Variants in P4HA3 observed in about 807,000 individuals in gnomAD.
The protein encoded by P4HA3 is prolyl 4-hydroxylase subunit alpha-3.
In P4HA3, 60 loss-of-function variants were observed where a neutral mutation model predicts 66.7. The ratio of observed to expected loss-of-function variants is 0.90; its 90% confidence interval spans 0.73 to 1.12. The LOEUF is 1.12. Among genes scored for constraint, P4HA3 ranks in the 50% most tolerant of loss-of-function variants. The pLI, the probability that P4HA3 is intolerant of heterozygous loss-of-function variation, is 0.00. For missense variants in P4HA3, 683 were observed against 685.8 expected, an observed-to-expected ratio of 1.00 and a Z score of 0.05; for synonymous variants, 263 against 274.6, an observed-to-expected ratio of 0.96 and a Z score of 0.42.
At chr11:74,266,576 C>A, downstream of P4HA3, 1 of 163,820 alleles carries the variant, frequency 6.1e-6, no homozygotes, top group Non-Finnish European at 1.3e-5. Flanking sequence ...ATGGGGAACA[C>A]ATGGATGTGG....
intron 1 of P4HA3, 55 bp downstream of exon 1, chr11:74,311,357 G>A (rs1861737378): frequency 8.5e-6 from 12 of 1,417,602 alleles, no homozygotes; most frequent in Non-Finnish European, 9.2e-6. Context: ...CCCACCCTGC[G>A]GCACAGTGTA....
At chr11:74,273,792 T>A (rs199756078) in intron 9 of P4HA3, among the ~76,000 whole-genome samples, 185 bp from the exon 10 acceptor site, 2 of 143,846 alleles carry the variant, frequency 1.4e-5, no homozygotes, top group African/African-American at 2.6e-5. Context: ...TTTTTTTTTT[T>A]ACTAATTTAT....
chr11:74,256,076 G>A (rs537362050), intron 15 of P4HA3: 8 of 416,134 alleles, frequency 1.9e-5, no homozygotes, highest in South Asian at 1.2e-4. Context: ...AATCTTCACA[G>A]CAACTCTATG....
chr11:74,289,135 TAAAAA>T lies in P4HA3; in HGVS notation c.718-10_718-6del. Reference sequence around the variant, plus strand: ...GGCACACGAAACATTTCCTGCCTGTTAAAAAAAAAAAAAAGAAAAGAAAGCATTAA... The same window carrying T: ...GGCACACGAAACATTTCCTGCCTGTTAAAAAAAAAGAAAAGAAAGCATTAA... On this transcript the variant is annotated splice_polypyrimidine_tract_variant and splice_region_variant and intron_variant, in intron 4 of 12. Coordinates refer to ENST00000331597, the MANE Select transcript of P4HA3 (RefSeq NM_182904.5). 2.9e-6 allele frequency: 4 copies of T among 1,377,720 alleles called. No homozygotes were observed. Among genetic ancestry groups the T allele is most frequent in the Middle Eastern group, 2.0e-4 (1 of 5,092 alleles). 85.3% of individuals were successfully genotyped at this position (1,377,720 alleles called of 1,614,324 possible).
intron 3 of P4HA3, among the ~76,000 whole-genome samples, chr11:74,301,854 G>T (rs531159530): frequency 9.9e-5 from 15 of 152,094 alleles, no homozygotes; most frequent in Non-Finnish European, 2.1e-4. Context: ...AAATGCTTAG[G>T]AAATGTTGCA....
At chr11:74,290,883 C>T (rs1860997125) in intron 4 of P4HA3, among the ~76,000 whole-genome samples, 1 of 152,174 alleles carries the variant, frequency 6.6e-6, no homozygotes, top group Non-Finnish European at 1.5e-5. Flanking sequence ...TAGTGTGATG[C>T]CTCCAGCTTT....
At chr11:74,279,256 T>G (rs1219541891) in intron 8 of P4HA3, 132 bp downstream of exon 8, 3 of 809,162 alleles carry the variant, frequency 3.7e-6, no homozygotes, top group Non-Finnish European at 6.3e-6. Context: ...TTAAAAAGAA[T>G]GTACAGCTAT....
chr11:74,257,461 A>T (rs1050582440), intron 15 of P4HA3, among the ~76,000 whole-genome samples: 2 of 152,092 alleles, frequency 1.3e-5, no homozygotes, highest in African/African-American at 4.8e-5. Flanking sequence ...GAAGTATCAC[A>T]AAGTGGAGGT....
downstream of P4HA3, among the ~76,000 whole-genome samples, chr11:74,266,262 T>A (rs564948024): frequency 1.6e-4 from 24 of 151,836 alleles, no homozygotes; most frequent in East Asian, 4.3e-3. Context: ...TCAGCATCCA[T>A]GGGGAGTTTG....
rs1860800588 is a variant in P4HA3 at position 74,286,324 on chromosome 11, G to A, written c.837C>T (p.Asn279=). The change falls in exon 6 of 13, where the codon AAC becomes AAT. Residue 279 remains asparagine, a synonymous_variant. Coordinates refer to ENST00000331597, the MANE Select transcript of P4HA3 (RefSeq NM_182904.5). ...GGATGACAGCCTCAGCTACCACGTGGTTGGGGCTCTCTGCCAAGAGCCTTT... is the reference window on the plus strand; with the variant it reads ...GGATGACAGCCTCAGCTACCACGTGATTGGGGCTCTCTGCCAAGAGCCTTT... ...KYERLLAESP[N]HVVAEAVIQR... The A allele has an allele frequency of 1.2e-6, 2 of 1,606,834 alleles. No homozygotes were observed. Among genetic ancestry groups the A allele is most frequent in the Non-Finnish European group, 1.7e-6 (2 of 1,177,400 alleles).
intron 2 of P4HA3, among the ~76,000 whole-genome samples, chr11:74,303,012 C>G (rs1273833743): frequency 6.6e-6 from 1 of 151,878 alleles, no homozygotes; most frequent in Admixed American, 6.6e-5. Flanking sequence ...AGCACACTGG[C>G]ATGATCATAG....
chr11:74,263,973 A>G (rs1450919898), downstream of P4HA3, among the ~76,000 whole-genome samples: 1 of 152,154 alleles, frequency 6.6e-6, no homozygotes, highest in East Asian at 1.9e-4. Context: ...GCCACAGTTG[A>G]CCCTACTTAG....
In P4HA3 at chr11:74,285,820, C is replaced by A. The variant is rs765152927; in HGVS notation, c.1099G>T (p.Ala367Ser). The change falls in exon 7 of 13, where the codon GCA becomes TCA. Residue 367 changes from alanine to serine, a missense_variant. Coordinates refer to ENST00000331597, the MANE Select transcript of P4HA3 (RefSeq NM_182904.5). ...CTCAGGACACTCACCCATGGTTCTG[C>A]AAGTTCTCTAATTTTCTGAGCCTCT... ...DSEAQKIREL[A>S]EPWLQRSVVA... 7.4e-6 allele frequency: 12 copies of A among 1,613,754 alleles called. No individual in the cohort carries two copies. Among genetic ancestry groups the A allele is most frequent in the Admixed American group, 5.0e-5 (3 of 59,984 alleles).
chr11:74,273,567 C>T lies in P4HA3; in HGVS notation c.1376G>A (p.Arg459Gln), dbSNP rs779625120. Residue 459 changes from arginine (R) to glutamine (Q), a missense_variant, in exon 10 of 13, where the codon CGA becomes CAA. Transcript: ENST00000331597. ...SPLYRMKSGN[R>Q]VATFMIYLSS... ...CACATAGATCATAAATGTTGCAACTCGGTTTCCTGACTTCATTCTGTAGAG... is the reference window on the plus strand; with the variant it reads ...CACATAGATCATAAATGTTGCAACTTGGTTTCCTGACTTCATTCTGTAGAG... The T allele has an allele frequency of 1.4e-5, 22 of 1,556,850 alleles. No homozygotes were observed. Among genetic ancestry groups the T allele is most frequent in the African/African-American group, 8.4e-5 (6 of 71,434 alleles).
At chr11:74,292,656 C>T (rs1861071748) in intron 4 of P4HA3, among the ~76,000 whole-genome samples, 1 of 152,062 alleles carries the variant, frequency 6.6e-6, no homozygotes, top group African/African-American at 2.4e-5. Flanking sequence ...TCTTTGTTCT[C>T]GTTGGTTTCA....
intron 9 of P4HA3, among the ~76,000 whole-genome samples, chr11:74,274,304 G>GTTTTTTT (rs558751754): frequency 1.5e-5 from 2 of 134,872 alleles, no homozygotes; most frequent in Non-Finnish European, 3.2e-5. Context: ...TTTTTTTTTT[G>GTTTTTTT]TTTTTTTTTT....
chr11:74,302,319 T>C (rs1490230614), intron 3 of P4HA3, 50 bp downstream of exon 3: 7 of 1,477,916 alleles, frequency 4.7e-6, no homozygotes, highest in Non-Finnish European at 6.5e-6. Context: ...AGTTATTTTA[T>C]CCATAAGAAA....
At position 74,287,649 on chromosome 11, in the gene P4HA3, T is replaced by C. The variant is rs373913129; in HGVS notation, c.770-1258A>G. 3.7e-4 allele frequency among the ~76,000 whole-genome samples: 56 copies of C among 152,356 alleles called. No individual in the cohort carries two copies. The South Asian group carries it at 0.011, about 30-fold the overall frequency. On this transcript the variant is annotated intron_variant, in intron 5 of 12. Transcript: ENST00000331597. ...GTTACTAAATGGATTCATTAAAAAG[T>C]TTTGTATACATGCAATTATAAAGTC...
intron 1 of P4HA3, among the ~76,000 whole-genome samples, chr11:74,308,281 G>A (rs940136939): frequency 1.3e-5 from 2 of 152,124 alleles, no homozygotes; most frequent in African/African-American, 4.8e-5. Context: ...GGGAGCCCGA[G>A]GAGGGAGGAT....
Sources: allele counts gnomAD v4.1 joint callset (sites outside exome capture counted in the v4.1 genomes callset), GRCh38; gene constraint gnomAD v4.1.1; transcripts MANE v1.5; gene names NCBI Gene and HGNC (gene_info 2026-07-23, HGNC 2026-07-21).